Variants in GABRG2 observed in about 807,000 individuals in gnomAD.
GABRG2 encodes gamma-aminobutyric acid receptor subunit gamma-2.
A neutral mutation model predicts 56.4 loss-of-function variants in GABRG2; 16 were observed. The observed-to-expected ratio is 0.28, with a 90% CI of 0.19 to 0.43. The LOEUF is 0.43. GABRG2 is among the 20% of genes least tolerant of loss of function. The pLI is 1.00. For missense variants in GABRG2, 327 were observed against 582.7 expected (o/e 0.56, Z 4.52); for synonymous variants, 208 against 205.5 (o/e 1.01, Z -0.10).
At chr5:162,074,903 G>A (rs1173303682) in intron 1 of GABRG2, among the ~76,000 whole-genome samples, 1 of 148,972 alleles carries the variant, frequency 6.7e-6, no homozygotes, top group Non-Finnish European at 1.5e-5. Flanking sequence ...GATAAGAATT[G>A]GCCTCTTAGT....
At position 162,149,172 on chromosome 5, in the gene GABRG2, C is replaced by A. The variant is rs774964109; in HGVS notation, c.987C>A (p.Val329=). ...STIARKSLPK[V]SYVTAMDLFV... ...TTGCCCGGAAATCGCTCCCCAAGGT[C>A]TCCTATGTCACAGCGATGGATCTCT... The change falls in exon 8 of 10, where the codon GTC becomes GTA. Residue 329 remains valine, a synonymous_variant. Transcript: ENST00000639213. 2.1e-5 allele frequency: 34 copies of A among 1,614,016 alleles called. No homozygotes were observed. Among genetic ancestry groups the A allele is most frequent in the Non-Finnish European group, 2.7e-5 (32 of 1,180,038 alleles).
At chr5:162,112,260 AT>A (rs3839307) in intron 6 of GABRG2, among the ~76,000 whole-genome samples, 104,289 of 150,740 alleles carry the variant, frequency 0.69, 36,022 homozygotes, top group Admixed American at 0.76. Flanking sequence ...TCAAAAAAGC[AT>A]TTTTTTTTTT....
intron 6 of GABRG2, among the ~76,000 whole-genome samples, chr5:162,137,571 T>C (rs952841951): frequency 6.6e-6 from 1 of 152,314 alleles, no homozygotes; most frequent in East Asian, 1.9e-4. Context: ...TTAGGGTTTT[T>C]TTTCTCAATG....
At chr5:162,106,912 T>C (rs563660422) in intron 6 of GABRG2, among the ~76,000 whole-genome samples, 1 of 49,134 alleles carries the variant, frequency 2.0e-5, no homozygotes, top group Admixed American at 2.5e-4. Context: ...CAAACTTGTG[T>C]CTTGGGTGGG....
chr5:162,101,556 T>G, intron 5 of GABRG2: 1 of 531,216 alleles, frequency 1.9e-6, no homozygotes, highest in Non-Finnish European at 3.4e-6. Context: ...GTTGCAAACT[T>G]TTAATATATT....
At chr5:162,103,268 A>G (rs924079997) in intron 5 of GABRG2, 11 of 154,156 alleles carry the variant, frequency 7.1e-5, no homozygotes, top group African/African-American at 2.7e-4. Context: ...TTCAATGAAT[A>G]CTCTCTGTTC....
At chr5:162,082,894 G>A (rs1759776657) in intron 1 of GABRG2, among the ~76,000 whole-genome samples, 2 of 151,616 alleles carry the variant, frequency 1.3e-5, no homozygotes, top group Non-Finnish European at 3.0e-5. Context: ...TCTATAAAGA[G>A]TCGATGAAAA....
At position 162,149,545 on chromosome 5, in the gene GABRG2, C is replaced by T. The variant is rs140513897; in HGVS notation, c.1128+232C>T. On this transcript the variant is annotated intron_variant, in intron 8 of 9. Transcript: ENST00000639213. ...GTTCTTATGCAAATATAATTACCTG[C>T]TCTCTTTATTTTGTGGAGACTAAAG... 7.2e-5 allele frequency: 55 copies of T among 759,462 alleles called. No homozygotes were observed. The East Asian group carries it at 1.3e-3, about 18-fold the overall frequency. The allele number at this position is 759,462 out of a possible 1,614,324, so 47.0% of individuals were successfully genotyped here. A position where few individuals can be genotyped will look rare whatever the true frequency, so the allele number is the denominator to read the frequency against.
chr5:162,152,736 G>A, intron 9 of GABRG2: 1 of 530,620 alleles, frequency 1.9e-6, no homozygotes, highest in Non-Finnish European at 3.4e-6. Context: ...CCACTCACAT[G>A]CAGCACCATC....
intron 1 of GABRG2, among the ~76,000 whole-genome samples, chr5:162,078,368 A>AATATATATATATAT: frequency 1.6e-5 from 1 of 63,988 alleles, no homozygotes; most frequent in African/African-American, 6.3e-5. Flanking sequence ...AGAGCATCTT[A>AATATATATATATAT]CTATATATAT....
rs112894280 is a variant in GABRG2 at position 162,093,956 on chromosome 5, A to G, written c.236A>G (p.Asn79Ser). The G allele has an allele frequency of 1.2e-5, 19 of 1,613,206 alleles. No individual in the cohort carries two copies. In the East Asian group the frequency reaches 1.3e-4, roughly 11 times the overall value. Reference sequence around the variant, plus strand: ...AACAACCTGCTGGAAGGATATGACAATAAACTTCGGCCTGATATAGGAGGT... The same window carrying G: ...AACAACCTGCTGGAAGGATATGACAGTAAACTTCGGCCTGATATAGGAGGT... ...ILNNLLEGYDNKLRPDIGVKP... is the reference protein window; with the variant it reads ...ILNNLLEGYDSKLRPDIGVKP... Residue 79 changes from asparagine (N) to serine (S), a missense_variant, in exon 2 of 10, where the codon AAT becomes AGT. Asn to Ser is a conservative substitution (Grantham distance 46). Coordinates refer to ENST00000639213, the MANE Select transcript of GABRG2 (RefSeq NM_198904.4).
chr5:162,121,810 T>C (rs905553175), intron 6 of GABRG2, among the ~76,000 whole-genome samples: 3 of 151,878 alleles, frequency 2.0e-5, no homozygotes, highest in African/African-American at 4.8e-5. Flanking sequence ...TAGGGAGAAA[T>C]TGGGTTTGAT....
At chr5:162,089,782 C>G (rs1156419014) in intron 1 of GABRG2, among the ~76,000 whole-genome samples, 1 of 152,080 alleles carries the variant, frequency 6.6e-6, no homozygotes, top group East Asian at 1.9e-4. Flanking sequence ...GCCTTTATTT[C>G]TCATCCAAAT....
intron 4 of GABRG2, chr5:162,099,400 C>G (rs1009907300): frequency 1.4e-4 from 22 of 152,230 alleles, no homozygotes; most frequent in African/African-American, 4.6e-4. Flanking sequence ...TCCCAAGTAG[C>G]TGGGACCACA....
chr5:162,070,357 G>A (rs1758573393), intron 1 of GABRG2, among the ~76,000 whole-genome samples: 1 of 151,886 alleles, frequency 6.6e-6, no homozygotes, highest in Non-Finnish European at 1.5e-5. Context: ...AAAGTCATTT[G>A]AATTGTTGAG....
intron 1 of GABRG2, among the ~76,000 whole-genome samples, chr5:162,071,318 G>A: frequency 6.6e-6 from 1 of 151,246 alleles, no homozygotes; most frequent in East Asian, 2.0e-4. Context: ...AAATAATTTA[G>A]AGTAAATAAG....
intron 1 of GABRG2, among the ~76,000 whole-genome samples, chr5:162,073,583 C>G (rs1010757706): frequency 2.0e-5 from 3 of 151,824 alleles, no homozygotes; most frequent in Admixed American, 1.3e-4. Context: ...AATATTACAA[C>G]TTCATATTTG....
chr5:162,109,255 G>T (rs1359151479), intron 6 of GABRG2, among the ~76,000 whole-genome samples: 1 of 151,752 alleles, frequency 6.6e-6, no homozygotes, highest in African/African-American at 2.4e-5. Context: ...GGTGGGGGTA[G>T]GGGAGAGGGA....
At chr5:162,142,121 G>T (rs770809984) in intron 6 of GABRG2, 43 bp from the exon 7 acceptor site, 2 of 1,601,634 alleles carry the variant, frequency 1.2e-6, no homozygotes, top group African/African-American at 2.7e-5. Flanking sequence ...GTTTTCCAGT[G>T]ATTGATAAAG....
Sources: gnomAD v4.1 joint callset for allele counts (sites outside exome capture counted in the v4.1 genomes callset) on GRCh38, gnomAD v4.1.1 for gene constraint, MANE v1.5 for transcripts, NCBI Gene and HGNC (gene_info 2026-07-23, HGNC 2026-07-21) for gene names.